MEOX2: variants seen among roughly 807,000 people sequenced by gnomAD.
MEOX2 encodes mesenchyme homeobox 2, also known as homeobox protein MOX-2.
A neutral mutation model predicts 27.0 loss-of-function variants in MEOX2; 11 were observed. That is an observed-to-expected ratio of 0.41 (90% CI 0.26 to 0.68). MEOX2 has a LOEUF of 0.68. Among genes scored for constraint, MEOX2 ranks in the 30% least tolerant of loss-of-function variants. The pLI is 0.33. For missense variants in MEOX2, 436 were observed against 385.4 expected (o/e 1.13, Z -1.10); for synonymous variants, 189 against 155.4 (o/e 1.22, Z -1.61).
intron 1 of MEOX2, among the ~76,000 whole-genome samples, chr7:15,682,637 C>A (rs1277002872): frequency 6.6e-6 from 1 of 151,684 alleles, no homozygotes; most frequent in Non-Finnish European, 1.5e-5. Flanking sequence ...TGCACAAAAG[C>A]TAAAGTTCGA....
intron 2 of MEOX2, among the ~76,000 whole-genome samples, chr7:15,616,395 G>A (rs1401403610): frequency 6.6e-6 from 1 of 151,628 alleles, no homozygotes; most frequent in Non-Finnish European, 1.5e-5. Context: ...AATGGAGAAG[G>A]ATTTTTGGAA....
At chr7:15,644,535 T>C (rs1781614004) in intron 1 of MEOX2, among the ~76,000 whole-genome samples, 2 of 152,160 alleles carry the variant, frequency 1.3e-5, no homozygotes, top group African/African-American at 2.4e-5. Flanking sequence ...GTGAATCTGC[T>C]CCTGCACCTT....
rs552190612 is a variant in MEOX2, at chr7:15,647,106, G to C, written c.518-20188C>G. Among the ~76,000 whole-genome samples, 3 of 151,924 alleles carry C rather than the reference G, an allele frequency of 2.0e-5. No homozygotes were observed. In the South Asian group the frequency reaches 6.2e-4, roughly 32 times the overall value. On this transcript the variant is annotated intron_variant, in intron 1 of 2. Coordinates refer to ENST00000262041, the MANE Select transcript of MEOX2 (RefSeq NM_005924.5). Reference sequence around the variant, plus strand: ...TATATTAGAAATATTCCTTAATTTAGTTATTTCAGTACTTCTACAGGAAGA... The same window carrying C: ...TATATTAGAAATATTCCTTAATTTACTTATTTCAGTACTTCTACAGGAAGA...
chr7:15,621,825 A>T (rs1781226845), intron 2 of MEOX2, among the ~76,000 whole-genome samples: 1 of 152,222 alleles, frequency 6.6e-6, no homozygotes, highest in Non-Finnish European at 1.5e-5. Context: ...TCTCAAAAAC[A>T]ATTCTGTTAC....
At chr7:15,626,638 C>G (rs1781312212) in intron 2 of MEOX2, 108 bp downstream of exon 2, 2 of 745,000 alleles carry the variant, frequency 2.7e-6, no homozygotes, top group Non-Finnish European at 4.4e-6. Flanking sequence ...TAACTGTCTT[C>G]CAAATGGTAT....
At chr7:15,620,114 C>T (rs571658801) in intron 2 of MEOX2, among the ~76,000 whole-genome samples, 43 of 152,128 alleles carry the variant, frequency 2.8e-4, no homozygotes, top group Non-Finnish European at 5.4e-4. Context: ...AATCCCCTCT[C>T]ATATCCCATC....
chr7:15,646,021 T>TGTAA, intron 1 of MEOX2, among the ~76,000 whole-genome samples: 1 of 152,124 alleles, frequency 6.6e-6, no homozygotes. Flanking sequence ...TGTGATAATA[T>TGTAA]GTAAGTTAGT....
chr7:15,654,141 T>TAA (rs1379612802), intron 1 of MEOX2, among the ~76,000 whole-genome samples: 1 of 151,996 alleles, frequency 6.6e-6, no homozygotes, highest in Non-Finnish European at 1.5e-5. Flanking sequence ...GATTTATACC[T>TAA]AAGATATTTC....
chr7:15,654,162 A>C (rs2115378983), intron 1 of MEOX2, among the ~76,000 whole-genome samples: 1 of 152,074 alleles, frequency 6.6e-6, no homozygotes, highest in Non-Finnish European at 1.5e-5. Context: ...TGGTTGAGCT[A>C]TTGGAGCTCG....
At chr7:15,622,152 T>C (rs1465601822) in intron 2 of MEOX2, among the ~76,000 whole-genome samples, 1 of 152,168 alleles carries the variant, frequency 6.6e-6, no homozygotes, top group African/African-American at 2.4e-5. Flanking sequence ...AATCTTATTA[T>C]ATAATTTAAT....
intron 2 of MEOX2, among the ~76,000 whole-genome samples, chr7:15,618,309 CTA>C (rs1335331771): frequency 1.3e-5 from 2 of 151,890 alleles, no homozygotes; most frequent in Non-Finnish European, 2.9e-5. Flanking sequence ...GAATAAAAGA[CTA>C]TATCAAATTT....
At chr7:15,624,482 A>T (rs941093778) in intron 2 of MEOX2, among the ~76,000 whole-genome samples, 3 of 152,312 alleles carry the variant, frequency 2.0e-5, no homozygotes, top group South Asian at 4.1e-4. Flanking sequence ...ACAATGGGAC[A>T]CTAGCAAATA....
chr7:15,679,546 T>A lies in MEOX2; in HGVS notation c.517+6340A>T, dbSNP rs927018587. ...ATTTTGAAGAGCAACAGCTTTTGAATTTAGAGCTATAATCAGTACCCTAAA... is the reference window on the plus strand; with the variant it reads ...ATTTTGAAGAGCAACAGCTTTTGAAATTAGAGCTATAATCAGTACCCTAAA... On this transcript the variant is annotated intron_variant, in intron 1 of 2. Coordinates refer to ENST00000262041, the MANE Select transcript of MEOX2 (RefSeq NM_005924.5). 3 of 152,080 alleles carry A rather than the reference T, an allele frequency of 2.0e-5. No individual in the cohort carries two copies. In the East Asian group the frequency reaches 5.8e-4, roughly 29 times the overall value. The allele number at this position is 152,080 out of a possible 1,614,324, so 9.4% of individuals were successfully genotyped here.
At chr7:15,624,370 T>C (rs1781264938) in intron 2 of MEOX2, among the ~76,000 whole-genome samples, 1 of 152,214 alleles carries the variant, frequency 6.6e-6, no homozygotes, top group African/African-American at 2.4e-5. Context: ...CTGTGTTAAT[T>C]TCCCCCCTGT....
In MEOX2 at chr7:15,679,973, C is replaced by T. The variant is rs912974128; in HGVS notation, c.517+5913G>A. 6.6e-5 allele frequency: 10 copies of T among 151,700 alleles called. No homozygotes were observed. In the East Asian group the frequency reaches 1.9e-3, roughly 29 times the overall value. 9.4% of individuals were successfully genotyped at this position (151,700 alleles called of 1,614,324 possible). ...ACAGTGCACAATTAGTAGTGAGTAACATATATAAATTTAGAAATATTATAT... is the reference window on the plus strand; with the variant it reads ...ACAGTGCACAATTAGTAGTGAGTAATATATATAAATTTAGAAATATTATAT... On this transcript the variant is annotated intron_variant, in intron 1 of 2. Coordinates refer to ENST00000262041, the MANE Select transcript of MEOX2 (RefSeq NM_005924.5).
chr7:15,682,151 A>G (rs1782302445), intron 1 of MEOX2, among the ~76,000 whole-genome samples: 1 of 151,696 alleles, frequency 6.6e-6, no homozygotes, highest in South Asian at 2.1e-4. Context: ...TTTGTACTCC[A>G]TTTGATTTGT....
intron 1 of MEOX2, among the ~76,000 whole-genome samples, chr7:15,663,940 T>TAGAC (rs1182013693): frequency 1.3e-5 from 2 of 152,188 alleles, no homozygotes; most frequent in African/African-American, 2.4e-5. Context: ...TAGATATAGA[T>TAGAC]AGACAGACAG....
chr7:15,664,284 T>G (rs73679876), intron 1 of MEOX2, among the ~76,000 whole-genome samples: 2,112 of 152,332 alleles, frequency 0.014, 48 homozygotes, highest in African/African-American at 0.048. Context: ...CTTTGTGTTG[T>G]ATTTGCTTTT....
At chr7:15,680,674 T>C (rs1354046828) in intron 1 of MEOX2, 2 of 151,924 alleles carry the variant, frequency 1.3e-5, no homozygotes, top group Admixed American at 6.6e-5. Flanking sequence ...TGCCTCATTA[T>C]ATTTACAATC....
Sources: gnomAD v4.1 joint callset for allele counts (sites outside exome capture counted in the v4.1 genomes callset) on GRCh38, gnomAD v4.1.1 for gene constraint, MANE v1.5 for transcripts, NCBI Gene and HGNC (gene_info 2026-07-23, HGNC 2026-07-21) for gene names.